Variants in ZNF385B observed in about 807,000 individuals in gnomAD.
The protein encoded by ZNF385B is zinc finger protein 533.
Under a neutral mutation model 39.2 loss-of-function variants are expected in ZNF385B, and 23 were observed. The ratio of observed to expected loss-of-function variants is 0.59; its 90% CI spans 0.42 to 0.83. The LOEUF (loss-of-function observed/expected upper bound fraction) is 0.83, where lower values mean the gene tolerates loss of function less well. Among genes scored for constraint, ZNF385B ranks in the 40% least tolerant of loss-of-function variants. The pLI is 0.00. For synonymous variants in ZNF385B, 205 were observed against 222.6 expected (o/e 0.92, Z 0.70); for missense variants, 552 against 598.9 (o/e 0.92, Z 0.82).
intron 1 of ZNF385B, among the ~76,000 whole-genome samples, chr2:179,792,361 T>C (rs1251288729): frequency 9.1e-6 from 1 of 109,456 alleles, no homozygotes; most frequent in African/African-American, 3.6e-5. Flanking sequence ...AAGTAGGCCA[T>C]TTCATTTTCT....
chr2:179,837,621 C>G (rs74844784), intron 1 of ZNF385B, among the ~76,000 whole-genome samples: 10,127 of 152,274 alleles, frequency 0.067, 371 homozygotes, highest in African/African-American at 0.08. Context: ...TTTCCCTCCT[C>G]CAAATATACT....
intron 1 of ZNF385B, chr2:179,796,253 T>C (rs1705658197): frequency 1.3e-5 from 2 of 152,168 alleles, no homozygotes; most frequent in South Asian, 4.1e-4. Context: ...CACAGATAAC[T>C]TGAATTTTCG....
intron 5 of ZNF385B, 42 bp downstream of exon 5, chr2:179,518,486 G>C: frequency 7.3e-7 from 1 of 1,375,704 alleles, no homozygotes; most frequent in South Asian, 1.2e-5. Flanking sequence ...CAGACTTTTA[G>C]CTCTGACAAA....
rs2049018014 is a variant in ZNF385B at position 179,441,986 on chromosome 2, A to T, written c.*1264T>A. ...AACACTGAAAATACAAACAGATTTT[A>T]TTTTTTGTACTTTTATTGAAAAGGT... On this transcript the variant is annotated 3_prime_UTR_variant, in exon 10 of 10. Transcript: ENST00000410066. 1 of 152,570 alleles carries T rather than the reference A, an allele frequency of 6.6e-6. No individual in the cohort carries two copies. The highest frequency in any genetic ancestry group is 2.4e-5 in the African/African-American group (1 of 41,444). The allele number at this position is 152,570 out of a possible 1,614,324, so 9.5% of individuals were successfully genotyped here. A position where few individuals can be genotyped will look rare whatever the true frequency, so the allele number is the denominator to read the frequency against.
chr2:179,724,518 A>G (rs1465621497), intron 3 of ZNF385B, among the ~76,000 whole-genome samples: 1 of 152,208 alleles, frequency 6.6e-6, no homozygotes. Flanking sequence ...AATTTACCCT[A>G]TTAAGAATTA....
intron 3 of ZNF385B, among the ~76,000 whole-genome samples, chr2:179,632,509 CA>C (rs1160960007): frequency 6.6e-6 from 1 of 152,138 alleles, no homozygotes; most frequent in Non-Finnish European, 1.5e-5. Context: ...CCAATGAGAA[CA>C]AAGACACAAC....
At chr2:179,713,342 G>A (rs909164537) in intron 3 of ZNF385B, among the ~76,000 whole-genome samples, 13 of 151,898 alleles carry the variant, frequency 8.6e-5, no homozygotes, top group African/African-American at 2.2e-4. Flanking sequence ...CCTCTCTCTC[G>A]GCTCCAGCCA....
At chr2:179,853,502 TC>T (rs1202865200) in intron 1 of ZNF385B, among the ~76,000 whole-genome samples, 1 of 152,228 alleles carries the variant, frequency 6.6e-6, no homozygotes, top group Non-Finnish European at 1.5e-5. Flanking sequence ...ATTTCTATGC[TC>T]TTTCATTTCA....
At chr2:179,765,851 G>C (rs1703658295) in intron 3 of ZNF385B, among the ~76,000 whole-genome samples, 1 of 152,090 alleles carries the variant, frequency 6.6e-6, no homozygotes, top group African/African-American at 2.4e-5. Context: ...GAACTGGATG[G>C]GGAAAGCATT....
At chr2:179,634,156 C>A (rs912831736) in intron 3 of ZNF385B, among the ~76,000 whole-genome samples, 1 of 152,132 alleles carries the variant, frequency 6.6e-6, no homozygotes, top group African/African-American at 2.4e-5. Context: ...TGGGCAAGGA[C>A]TTCATGACTA....
intron 3 of ZNF385B, among the ~76,000 whole-genome samples, chr2:179,591,097 A>G (rs1515313): frequency 0.21 from 23,731 of 111,452 alleles, 2,214 homozygotes; most frequent in Middle Eastern, 0.32. Context: ...GTGGTTCATG[A>G]TTCATTTACA....
chr2:179,814,456 T>G (rs1706932800), intron 1 of ZNF385B: 1 of 502,214 alleles, frequency 2.0e-6, no homozygotes, highest in Non-Finnish European at 3.8e-6. Flanking sequence ...GTACCTGACT[T>G]CAACAAAATG....
At chr2:179,739,932 A>G (rs930204110) in intron 3 of ZNF385B, among the ~76,000 whole-genome samples, 8 of 152,226 alleles carry the variant, frequency 5.3e-5, no homozygotes, top group African/African-American at 1.9e-4. Flanking sequence ...ATTACACAAA[A>G]TCCAAAAGCT....
At position 179,566,027 on chromosome 2, in the gene ZNF385B, C is replaced by A. The variant is rs145174590; in HGVS notation, c.299-21058G>T. 5.0e-4 allele frequency among the ~76,000 whole-genome samples: 76 copies of A among 152,238 alleles called. 1 individual carries two copies. The highest frequency in any genetic ancestry group is 1.8e-3 in the African/African-American group (74 of 41,546). Reference sequence around the variant, plus strand: ...TAATTTACTGCTGTTTGTCTAGGGCCCTGCCCAGAGAAGGCACTTAATGAA... The same window carrying A: ...TAATTTACTGCTGTTTGTCTAGGGCACTGCCCAGAGAAGGCACTTAATGAA... On this transcript the variant is annotated intron_variant, in intron 3 of 9. Coordinates refer to ENST00000410066, the MANE Select transcript of ZNF385B (RefSeq NM_152520.6).
chr2:179,759,169 A>G (rs1328074910), intron 3 of ZNF385B, among the ~76,000 whole-genome samples: 1 of 152,162 alleles, frequency 6.6e-6, no homozygotes, highest in Non-Finnish European at 1.5e-5. Flanking sequence ...GCAGGATGTC[A>G]GTCACTAGCT....
intron 4 of ZNF385B, among the ~76,000 whole-genome samples, chr2:179,520,795 C>T (rs996316226): frequency 5.9e-5 from 9 of 152,188 alleles, no homozygotes; most frequent in African/African-American, 1.7e-4. Context: ...CCCTAAATAC[C>T]GGTTTTATGC....
intron 1 of ZNF385B, among the ~76,000 whole-genome samples, chr2:179,789,905 T>C (rs556626994): frequency 6.6e-6 from 1 of 152,262 alleles, no homozygotes; most frequent in South Asian, 2.1e-4. Context: ...CAGTAATGAG[T>C]ATTAACATGT....
At chr2:179,799,040 C>T (rs1034363954) in intron 1 of ZNF385B, among the ~76,000 whole-genome samples, 2 of 151,960 alleles carry the variant, frequency 1.3e-5, no homozygotes, top group Non-Finnish European at 2.9e-5. Context: ...AACACACTCC[C>T]ATTTCAGGTG....
intron 3 of ZNF385B, among the ~76,000 whole-genome samples, chr2:179,588,651 T>C (rs949202722): frequency 6.6e-6 from 1 of 152,112 alleles, no homozygotes; most frequent in African/African-American, 2.4e-5. Context: ...CACACCACAG[T>C]GATCCTCTGA....
Sources: gnomAD v4.1 joint callset for allele counts (sites outside exome capture counted in the v4.1 genomes callset) on GRCh38, gnomAD v4.1.1 for gene constraint, MANE v1.5 for transcripts, NCBI Gene and HGNC (gene_info 2026-07-23, HGNC 2026-07-21) for gene names.